The following GRIK1 variants were observed in gnomAD, a reference collection of about 807,000 sequenced individuals.
GRIK1 encodes the protein glutamate receptor ionotropic, kainate 1.
In GRIK1, 69 loss-of-function variants were observed where a neutral mutation model predicts 105.7. The ratio of observed to expected loss-of-function variants is 0.65; its 90% CI spans 0.54 to 0.80. The LOEUF (loss-of-function observed/expected upper bound fraction) is 0.80, where lower values mean the gene tolerates loss of function less well. Ranked by LOEUF, GRIK1 falls within the 30% of genes least tolerant of loss-of-function variation. The pLI is 0.00. For synonymous variants in GRIK1, 438 were observed against 431.3 expected, an observed-to-expected ratio of 1.02 and a Z score of -0.19; for missense variants, 1,109 against 1,167.3, an observed-to-expected ratio of 0.95 and a Z score of 0.73.
intron 7 of GRIK1, among the ~76,000 whole-genome samples, chr21:29,620,235 G>A (rs1209827745): frequency 1.3e-5 from 2 of 152,202 alleles, no homozygotes; most frequent in African/African-American, 4.8e-5. Context: ...GTAAAAGCAA[G>A]TATCAGCTCT....
intron 7 of GRIK1, among the ~76,000 whole-genome samples, chr21:29,607,810 AT>A (rs1440447048): frequency 5.9e-5 from 9 of 152,302 alleles, no homozygotes; most frequent in African/African-American, 1.9e-4. Context: ...TGGTTTACCA[AT>A]GAGACAAGAT....
chr21:29,913,320 A>G (rs2070882784), intron 1 of GRIK1, among the ~76,000 whole-genome samples: 1 of 152,062 alleles, frequency 6.6e-6, no homozygotes, highest in Non-Finnish European at 1.5e-5. Flanking sequence ...AAAATGGATA[A>G]CTCTGTAAAG....
intron 1 of GRIK1, among the ~76,000 whole-genome samples, chr21:29,866,581 T>C (rs1161964377): frequency 6.6e-6 from 1 of 152,088 alleles, no homozygotes; most frequent in Non-Finnish European, 1.5e-5. Flanking sequence ...GCCATGGTAG[T>C]GGTGGGTAAA....
intron 1 of GRIK1, among the ~76,000 whole-genome samples, chr21:29,911,865 T>C (rs959913646): frequency 6.6e-6 from 1 of 152,088 alleles, no homozygotes. Flanking sequence ...AAATTTCTGT[T>C]GTTTATCAGC....
intron 1 of GRIK1, among the ~76,000 whole-genome samples, chr21:29,835,738 T>C (rs995240307): frequency 6.6e-6 from 1 of 152,234 alleles, no homozygotes. Flanking sequence ...TGTTGTTTGC[T>C]GAAGAAGCCA....
chr21:29,886,281 G>T (rs754190785), intron 1 of GRIK1, among the ~76,000 whole-genome samples: 13 of 152,056 alleles, frequency 8.5e-5, no homozygotes, highest in Non-Finnish European at 1.9e-4. Context: ...AAAATATAAA[G>T]TCTATGCTCT....
At chr21:29,565,358 G>A (rs2090588276) in intron 14 of GRIK1, among the ~76,000 whole-genome samples, 1 of 152,214 alleles carries the variant, frequency 6.6e-6, no homozygotes, top group Non-Finnish European at 1.5e-5. Flanking sequence ...GACCCAAAAT[G>A]TGGCTAAGGA....
At chr21:29,753,274 T>A (rs2065251076) in intron 1 of GRIK1, among the ~76,000 whole-genome samples, 1 of 152,216 alleles carries the variant, frequency 6.6e-6, no homozygotes, top group Non-Finnish European at 1.5e-5. Flanking sequence ...ATAATTTGAT[T>A]GAGAAACAAA....
intron 3 of GRIK1, among the ~76,000 whole-genome samples, chr21:29,688,699 G>A (rs996137911): frequency 6.6e-6 from 1 of 152,252 alleles, no homozygotes; most frequent in South Asian, 2.1e-4. Flanking sequence ...TATAACTTGG[G>A]ATTCAGTGCT....
chr21:29,926,229 T>G (rs963536556), intron 1 of GRIK1, among the ~76,000 whole-genome samples: 6 of 152,320 alleles, frequency 3.9e-5, no homozygotes, highest in African/African-American at 1.4e-4. Context: ...TAATAATTCC[T>G]CTGGCCTCAC....
intron 7 of GRIK1, among the ~76,000 whole-genome samples, chr21:29,607,286 A>G (rs2061642834): frequency 6.6e-6 from 1 of 152,100 alleles, no homozygotes; most frequent in Non-Finnish European, 1.5e-5. Flanking sequence ...ACTGGAAATG[A>G]CAACCAACCT....
intron 1 of GRIK1, among the ~76,000 whole-genome samples, chr21:29,776,130 A>C (rs1044363516): frequency 3.9e-5 from 6 of 152,202 alleles, no homozygotes; most frequent in Non-Finnish European, 7.4e-5. Context: ...TGAATATAGC[A>C]TAGGGGAAAT....
chr21:29,803,973 C>T (rs2066785014), intron 1 of GRIK1, among the ~76,000 whole-genome samples: 1 of 152,098 alleles, frequency 6.6e-6, no homozygotes, highest in African/African-American at 2.4e-5. Context: ...CTGACTGTAG[C>T]TATGTGTCCA....
At chr21:29,790,249 A>G (rs1399674191) in intron 1 of GRIK1, among the ~76,000 whole-genome samples, 1 of 152,066 alleles carries the variant, frequency 6.6e-6, no homozygotes, top group Non-Finnish European at 1.5e-5. Flanking sequence ...GGGTTTCACC[A>G]TGTTGGCCAG....
intron 1 of GRIK1, among the ~76,000 whole-genome samples, chr21:29,900,729 C>T (rs149272043): frequency 3.9e-5 from 6 of 152,154 alleles, no homozygotes; most frequent in African/African-American, 7.2e-5. Flanking sequence ...GACAGAGCAA[C>T]GAGACAGAAA....
intron 1 of GRIK1, among the ~76,000 whole-genome samples, chr21:29,772,023 T>C (rs2065826111): frequency 6.6e-6 from 1 of 152,244 alleles, no homozygotes; most frequent in South Asian, 2.1e-4. Flanking sequence ...GGAGTTATGA[T>C]ACCAATCTCA....
intron 8 of GRIK1, chr21:29,597,526 C>A: frequency 3.6e-6 from 1 of 274,662 alleles, no homozygotes; most frequent in South Asian, 4.0e-5. Flanking sequence ...AAATTATAGG[C>A]TTTTAGATCA....
chr21:29,753,309 G>A (rs569312874), intron 1 of GRIK1, among the ~76,000 whole-genome samples: 2 of 152,284 alleles, frequency 1.3e-5, no homozygotes, highest in African/African-American at 2.4e-5. Flanking sequence ...TGTACAAATA[G>A]GTGAGAGGTA....
Position 29,567,453 on chromosome 21 carries a change from T to C in GRIK1, c.2131-5604A>G, listed in dbSNP as rs374146341. Among the ~76,000 whole-genome samples, 8 of 152,322 alleles carry C rather than the reference T, an allele frequency of 5.3e-5. No homozygotes were observed. In the South Asian group the frequency reaches 6.2e-4, roughly 12 times the overall value. ...CATGCAATTCTACTTCACACTAATA[T>C]GGCTGATGATTTTATATATCGATCT... On this transcript the variant is annotated intron_variant, in intron 14 of 17. Transcript: ENST00000327783.
Sources: allele counts gnomAD v4.1 joint callset (sites outside exome capture counted in the v4.1 genomes callset), GRCh38; gene constraint gnomAD v4.1.1; transcripts MANE v1.5; gene names NCBI Gene and HGNC (gene_info 2026-07-23, HGNC 2026-07-21).